DMXL2: variants seen among roughly 807,000 people sequenced by gnomAD.
DMXL2 encodes the protein Dmx like 2.
DMXL2 carries 103 observed loss-of-function variants against 331.1 expected under a neutral mutation model. The observed-to-expected ratio is 0.31, with a 90% confidence interval of 0.27 to 0.37. The LOEUF is 0.37. Among genes scored for constraint, DMXL2 ranks in the 10% least tolerant of loss-of-function variants. The pLI, the probability that DMXL2 is intolerant of heterozygous loss-of-function variation, is 1.00. For missense variants in DMXL2, 3,171 were observed against 3,642.9 expected (o/e 0.87, Z 3.33); for synonymous variants, 1,281 against 1,252.1 (o/e 1.02, Z -0.49).
intron 1 of DMXL2, among the ~76,000 whole-genome samples, chr15:51,602,057 TAA>T (rs1360949122): frequency 3.3e-5 from 5 of 152,120 alleles, no homozygotes; most frequent in Admixed American, 6.5e-5. Context: ...GATGCAGCCA[TAA>T]AACATAAACA....
At chr15:51,460,241 C>T in intron 33 of DMXL2, 1 of 985,668 alleles carries the variant, frequency 1.0e-6, no homozygotes, top group African/African-American at 1.7e-5. Flanking sequence ...TTCTGCTCTG[C>T]TGTGGAAACT....
At chr15:51,489,054 G>A (rs1168097280) in intron 20 of DMXL2, among the ~76,000 whole-genome samples, 1 of 152,140 alleles carries the variant, frequency 6.6e-6, no homozygotes, top group Admixed American at 6.6e-5. Flanking sequence ...TAGAAACCAC[G>A]TAGAACTGAA....
At chr15:51,566,586 T>C (rs1023897647) in intron 3 of DMXL2, among the ~76,000 whole-genome samples, 8 of 152,222 alleles carry the variant, frequency 5.3e-5, no homozygotes, top group East Asian at 1.9e-4. Context: ...TCTTAAGTAG[T>C]CCAAAATTTG....
At chr15:51,524,744 T>C (rs954366458) in intron 13 of DMXL2, among the ~76,000 whole-genome samples, 4 of 152,106 alleles carry the variant, frequency 2.6e-5, no homozygotes, top group Non-Finnish European at 4.4e-5. Flanking sequence ...TGTCTGAGCT[T>C]GATTCCCCAA....
intron 1 of DMXL2, among the ~76,000 whole-genome samples, chr15:51,590,592 C>T (rs1595650967): frequency 6.6e-6 from 1 of 151,630 alleles, no homozygotes; most frequent in East Asian, 1.9e-4. Context: ...GAGATGGGGT[C>T]TCAATATGTT....
chr15:51,555,242 A>G (rs1339078074), intron 6 of DMXL2, among the ~76,000 whole-genome samples: 1 of 152,220 alleles, frequency 6.6e-6, no homozygotes, highest in Non-Finnish European at 1.5e-5. Context: ...AAACCAATTA[A>G]AAATTTAATA....
At chr15:51,458,903 C>CAGT in intron 34 of DMXL2, 108 bp from the exon 35 acceptor site, 1 of 830,844 alleles carries the variant, frequency 1.2e-6, no homozygotes, top group Non-Finnish European at 1.9e-6. Flanking sequence ...GTAGCAGCAG[C>CAGT]AGCAGCAGCA....
In DMXL2 at chr15:51,486,340, G is replaced by A. The variant is rs2042391947; in HGVS notation, c.5218-3C>T. On this transcript the variant is annotated splice_region_variant and splice_polypyrimidine_tract_variant and intron_variant, in intron 22 of 43. Coordinates refer to ENST00000560891, the MANE Select transcript of DMXL2 (RefSeq NM_001378457.1). ...TCTTCCATTTTTTCAAGACATACCT[G>A]CAAATTTAAATATTAATACTTATCT... 1 of 1,567,350 alleles carries A rather than the reference G, an allele frequency of 6.4e-7. No individual in the cohort carries two copies. Among genetic ancestry groups the A allele is most frequent in the Non-Finnish European group, 8.8e-7 (1 of 1,142,784 alleles).
chr15:51,458,655 T>A (rs1305764265), intron 35 of DMXL2, 28 bp from the exon 36 acceptor site: 4 of 1,613,794 alleles, frequency 2.5e-6, no homozygotes, highest in East Asian at 4.5e-5. Context: ...AATCGATGAT[T>A]TAAGCAATTT....
chr15:51,559,679 C>T (rs537917173), intron 6 of DMXL2, among the ~76,000 whole-genome samples: 1 of 152,076 alleles, frequency 6.6e-6, no homozygotes, highest in African/African-American at 2.4e-5. Context: ...TATGATCGGC[C>T]GATGTACTCC....
At position 51,491,595 on chromosome 15, in the gene DMXL2, G is replaced by A; in HGVS notation, c.4936C>T (p.Arg1646Ter). 6.2e-7 allele frequency: 1 copy of A among 1,601,632 alleles called. No individual in the cohort carries two copies. The highest frequency in any genetic ancestry group is 8.5e-7 in the Non-Finnish European group (1 of 1,176,562). Residue 1646 changes from arginine (R) to a stop codon, truncating the protein, a stop_gained, in exon 20 of 44, where the codon CGA becomes TGA. Transcript: ENST00000560891. LOFTEE classifies it high-confidence loss of function. ...GWWVRNINTLRRCIEKVAKAS... is the reference protein window; with the variant it reads ...GWWVRNINTL Reference sequence around the variant, plus strand: ...AAAGTTACCTTTTCAATGCATCTTCGAAGCGTGTTAATGTTCCTCACCCAC... The same window carrying A: ...AAAGTTACCTTTTCAATGCATCTTCAAAGCGTGTTAATGTTCCTCACCCAC...
chr15:51,551,769 G>C (rs2049236551), intron 6 of DMXL2, among the ~76,000 whole-genome samples: 1 of 152,184 alleles, frequency 6.6e-6, no homozygotes. Flanking sequence ...CAGAGGAAGA[G>C]ACAGAAATAA....
At chr15:51,580,375 G>T (rs1301470032) in intron 1 of DMXL2, among the ~76,000 whole-genome samples, 1 of 152,172 alleles carries the variant, frequency 6.6e-6, no homozygotes, top group East Asian at 1.9e-4. Context: ...ACTAAGCTAA[G>T]TTAGTAAAGT....
At chr15:51,460,572 A>ACATC (rs1555412013) in intron 33 of DMXL2, 1 of 157,406 alleles carries the variant, frequency 6.4e-6, no homozygotes, top group African/African-American at 2.4e-5. Context: ...TCTTATAAAT[A>ACATC]TATAACTTCA....
intron 2 of DMXL2, among the ~76,000 whole-genome samples, chr15:51,569,305 G>A (rs1273319173): frequency 6.6e-6 from 1 of 152,208 alleles, no homozygotes; most frequent in Admixed American, 6.5e-5. Context: ...TACCCTCACA[G>A]TGTAAACAAA....
intron 29 of DMXL2, among the ~76,000 whole-genome samples, chr15:51,469,144 G>A (rs575235762): frequency 2.6e-5 from 4 of 151,802 alleles, no homozygotes; most frequent in African/African-American, 9.7e-5. Flanking sequence ...TTAAAGAATT[G>A]TGGGTGTGCT....
In DMXL2 at chr15:51,449,297, C is replaced by G. The variant is rs1170221570; in HGVS notation, c.8968-104G>C. On this transcript the variant is annotated intron_variant, in intron 43 of 43. Transcript: ENST00000560891. ...CCAAGTGATCTCACTAAAGCCCAAC[C>G]TTCCCACCCACTGCCTCTTTCCTAA... The G allele has an allele frequency of 4.7e-6, 5 of 1,058,008 alleles. 1 individual carries two copies. Among genetic ancestry groups the G allele is most frequent in the Non-Finnish European group, 7.0e-6 (5 of 715,872 alleles). 65.5% of individuals were successfully genotyped at this position (1,058,008 alleles called of 1,614,324 possible). A position where few individuals can be genotyped will look rare whatever the true frequency, so the allele number is the denominator to read the frequency against.
chr15:51,552,446 C>G (rs902748846), intron 6 of DMXL2, among the ~76,000 whole-genome samples: 4 of 152,168 alleles, frequency 2.6e-5, no homozygotes, highest in Admixed American at 2.6e-4. Flanking sequence ...TCACTAAGAT[C>G]ATTAAAACTT....
intron 8 of DMXL2, 89 bp downstream of exon 8, chr15:51,545,494 C>T (rs1026746952): frequency 4.5e-6 from 5 of 1,114,558 alleles, no homozygotes; most frequent in Non-Finnish European, 6.6e-6. Flanking sequence ...TTACATGTAC[C>T]ATGTGTGCCA....
Sources: allele counts gnomAD v4.1 joint callset (sites outside exome capture counted in the v4.1 genomes callset), GRCh38; gene constraint gnomAD v4.1.1; transcripts MANE v1.5; gene names NCBI Gene and HGNC (gene_info 2026-07-23, HGNC 2026-07-21).